Variants in TNFAIP8L3 observed in about 807,000 individuals in gnomAD.
TNFAIP8L3 encodes TNF alpha induced protein 8 like 3, also known as tumor necrosis factor alpha-induced protein 8-like protein 3.
A neutral mutation model predicts 11.8 loss-of-function variants in TNFAIP8L3; 7 were observed. The observed-to-expected ratio is 0.59, with a 90% CI of 0.34 to 1.11. The LOEUF (loss-of-function observed/expected upper bound fraction) is 1.11, where lower values mean the gene tolerates loss of function less well. Among genes scored for constraint, TNFAIP8L3 ranks in the 50% most tolerant of loss-of-function variants. The pLI, the probability that TNFAIP8L3 is intolerant of heterozygous loss-of-function variation, is 0.03. For missense variants in TNFAIP8L3, 219 were observed against 258.6 expected (o/e 0.85, Z 1.05); for synonymous variants, 98 against 103.8 (o/e 0.94, Z 0.34).
chr15:51,071,999 T>C (rs2065311939), intron 1 of TNFAIP8L3, among the ~76,000 whole-genome samples: 1 of 152,344 alleles, frequency 6.6e-6, no homozygotes, highest in African/African-American at 2.4e-5. Flanking sequence ...TTACTCATTT[T>C]TTCAGTTGAA....
intron 1 of TNFAIP8L3, among the ~76,000 whole-genome samples, chr15:51,068,032 C>T (rs1022382240): frequency 2.0e-5 from 3 of 152,170 alleles, no homozygotes; most frequent in African/African-American, 7.2e-5. Flanking sequence ...TGAGATATTT[C>T]CCGAAGGCAG....
At chr15:51,096,185 A>G (rs1424975079), upstream of TNFAIP8L3, among the ~76,000 whole-genome samples, 4 of 152,164 alleles carry the variant, frequency 2.6e-5, no homozygotes, top group Non-Finnish European at 4.4e-5. Context: ...GCTATGGTAC[A>G]GTGTCATAAG....
rs1055302161 is a variant in TNFAIP8L3, at chr15:51,056,914, A to C, written c.*967T>G. Reference sequence around the variant, plus strand: ...TCTTTTTAAAAAAATTATTATTATTATTATTATTTTTTAGAGACAGAGTCT... The same window carrying C: ...TCTTTTTAAAAAAATTATTATTATTCTTATTATTTTTTAGAGACAGAGTCT... On this transcript the variant is annotated 3_prime_UTR_variant, in exon 2 of 2. Coordinates refer to ENST00000637513, the MANE Select transcript of TNFAIP8L3 (RefSeq NM_001311175.2). 1 of 148,214 alleles carries C rather than the reference A, an allele frequency of 6.7e-6. No homozygotes were observed. The highest frequency in any genetic ancestry group is 1.5e-5 in the Non-Finnish European group (1 of 67,920). The allele number at this position is 148,214 out of a possible 1,614,324, so 9.2% of individuals were successfully genotyped here.
intron 1 of TNFAIP8L3, among the ~76,000 whole-genome samples, chr15:51,082,044 A>AT (rs370927669): frequency 0.04 from 5,712 of 143,830 alleles, 280 homozygotes; most frequent in African/African-American, 0.12. Flanking sequence ...GAAAGAGTGA[A>AT]TTTTTTTTTT....
At chr15:51,058,794 G>T (rs1041606476) in intron 1 of TNFAIP8L3, among the ~76,000 whole-genome samples, 2 of 152,170 alleles carry the variant, frequency 1.3e-5, no homozygotes, top group East Asian at 3.8e-4. Flanking sequence ...CTGCTGTCAC[G>T]CTGGAAACCA....
At position 51,057,950 on chromosome 15, in the gene TNFAIP8L3, T is replaced by G. The variant is rs921830933; in HGVS notation, c.546A>C (p.Gly182=). The change falls in exon 2 of 2, where the codon GGA becomes GGC. Residue 182 remains glycine, a synonymous_variant. Coordinates refer to ENST00000637513, the MANE Select transcript of TNFAIP8L3 (RefSeq NM_001311175.2). ...TCCTCTTGAGGTTGGGCCTACAGTC[T>G]CCATCCAGACTATAGAGGGTGGAGA... The part of the protein sequence containing the change: ...EFLSTLYSLD[G]DCRPNLKRIC... 6.2e-7 allele frequency: 1 copy of G among 1,613,100 alleles called. No individual in the cohort carries two copies. The highest frequency in any genetic ancestry group is 2.2e-5 in the East Asian group (1 of 44,880).
At position 51,094,457 on chromosome 15, in the gene TNFAIP8L3, G is replaced by A. The variant is rs2065495909; in HGVS notation, c.52+87C>T. ...TTGGCCTGGAAGGGGTCGGGCTGCT[G>A]AGGATCGGCTTCCCGATTTCATGCC... On this transcript the variant is annotated intron_variant, in intron 1 of 1. Transcript: ENST00000637513. The surrounding 1 kb of genome is among the most constrained non-coding windows in gnomAD (Gnocchi z 4.4). 59 of 1,336,466 alleles carry A rather than the reference G, an allele frequency of 4.4e-5. No individual in the cohort carries two copies. Among genetic ancestry groups the A allele is most frequent in the Non-Finnish European group, 5.4e-5 (56 of 1,036,542 alleles). The allele number at this position is 1,336,466 out of a possible 1,614,324, so 82.8% of individuals were successfully genotyped here. A position where few individuals can be genotyped will look rare whatever the true frequency, so the allele number is the denominator to read the frequency against.
chr15:51,064,578 G>C (rs909394578), intron 1 of TNFAIP8L3: 6 of 152,132 alleles, frequency 3.9e-5, no homozygotes, highest in Non-Finnish European at 7.4e-5. Context: ...CAAGACACTG[G>C]TCAACAGAAC....
At chr15:51,104,456 G>A (rs1053160406) in intron 1 of TNFAIP8L3, among the ~76,000 whole-genome samples, 1 of 152,160 alleles carries the variant, frequency 6.6e-6, no homozygotes, top group Non-Finnish European at 1.5e-5. Context: ...CAGAGTCCAC[G>A]CAGCAAGGAG....
intron 1 of TNFAIP8L3, among the ~76,000 whole-genome samples, chr15:51,084,250 GATT>G (rs1156472697): frequency 6.6e-6 from 1 of 152,140 alleles, no homozygotes; most frequent in Non-Finnish European, 1.5e-5. Context: ...AGGGATCACA[GATT>G]ATTGAGCCTT....
rs762451182 is a variant in TNFAIP8L3, at chr15:51,094,587, C to G, written c.9G>C (p.Ser3=). The change falls in exon 1 of 2, where the codon TCG becomes TCC. Residue 3 remains serine (S), a synonymous_variant. Transcript: ENST00000637513. The surrounding 1 kb of genome is among the most constrained non-coding windows in gnomAD (Gnocchi z 4.4). MD[S]DSGEQSEGEP... ...CGCCCTCGCTCTGCTCCCCGGAATC[C>G]GAATCCATGCTGCGGGCTGCTGGCT... 4 of 1,498,484 alleles carry G rather than the reference C, an allele frequency of 2.7e-6. No individual in the cohort carries two copies. The South Asian group carries it at 5.0e-5, about 19-fold the overall frequency. 92.8% of individuals were successfully genotyped at this position (1,498,484 alleles called of 1,614,324 possible). A position where few individuals can be genotyped will look rare whatever the true frequency, so the allele number is the denominator to read the frequency against.
intron 1 of TNFAIP8L3, among the ~76,000 whole-genome samples, chr15:51,074,214 T>C (rs2065333343): frequency 6.6e-6 from 1 of 152,226 alleles, no homozygotes; most frequent in African/African-American, 2.4e-5. Flanking sequence ...TGAGAGTGTT[T>C]ATGTAAGGTG....
intron 1 of TNFAIP8L3, among the ~76,000 whole-genome samples, chr15:51,100,930 T>C (rs2140986626): frequency 6.6e-6 from 1 of 152,312 alleles, no homozygotes; most frequent in East Asian, 1.9e-4. Context: ...ATCCTCTGTA[T>C]GGAAAAGGGG....
At chr15:51,070,842 C>G (rs936168487) in intron 1 of TNFAIP8L3, among the ~76,000 whole-genome samples, 2 of 150,194 alleles carry the variant, frequency 1.3e-5, no homozygotes, top group African/African-American at 2.4e-5. Context: ...GTCAGGAGAT[C>G]GAGACCATCC....
At chr15:51,095,408 G>A (rs934920708), upstream of TNFAIP8L3, among the ~76,000 whole-genome samples, 1 of 152,022 alleles carries the variant, frequency 6.6e-6, no homozygotes, top group African/African-American at 2.4e-5. Flanking sequence ...TGCTAACTCC[G>A]GCTGTTTGAG....
chr15:51,072,148 A>ATT (rs35407603), intron 1 of TNFAIP8L3, among the ~76,000 whole-genome samples: 3 of 149,840 alleles, frequency 2.0e-5, no homozygotes, highest in African/African-American at 2.5e-5. Flanking sequence ...ACAGAAAGCT[A>ATT]TTTTTTTTTT....
At chr15:51,087,919 T>TTA (rs6145560) in intron 1 of TNFAIP8L3, among the ~76,000 whole-genome samples, 2,582 of 101,440 alleles carry the variant, frequency 0.025, 394 homozygotes, top group African/African-American at 0.06. Flanking sequence ...TAGCATACCT[T>TTA]TATATATATA....
intron 1 of TNFAIP8L3, among the ~76,000 whole-genome samples, chr15:51,061,193 G>A (rs1428696975): frequency 6.6e-6 from 1 of 152,030 alleles, no homozygotes; most frequent in East Asian, 1.9e-4. Flanking sequence ...TTTGAGATGG[G>A]GGTCTCACTA....
chr15:51,087,137 G>C (rs1372267670), intron 1 of TNFAIP8L3, among the ~76,000 whole-genome samples: 2 of 152,102 alleles, frequency 1.3e-5, no homozygotes, highest in Non-Finnish European at 2.9e-5. Context: ...CAAAGTGCTG[G>C]GATTACAGGC....
Sources: gnomAD v4.1 joint callset for allele counts (sites outside exome capture counted in the v4.1 genomes callset) on GRCh38, gnomAD v4.1.1 for gene constraint, Gnocchi (gnomAD v3.1) non-coding constraint, MANE v1.5 for transcripts, NCBI Gene and HGNC (gene_info 2026-07-23, HGNC 2026-07-21) for gene names.